Variants in ROBO1 observed in about 807,000 individuals in gnomAD.
The protein encoded by ROBO1 is roundabout guidance receptor 1.
A neutral mutation model predicts 195.9 loss-of-function variants in ROBO1; 149 were observed. That is an observed-to-expected ratio of 0.76 (90% CI 0.67 to 0.87). The LOEUF (loss-of-function observed/expected upper bound fraction) is 0.87, where lower values mean the gene tolerates loss of function less well. Ranked by LOEUF, ROBO1 falls within the 40% of genes least tolerant of loss-of-function variation. The pLI, the probability that ROBO1 is intolerant of heterozygous loss-of-function variation, is 0.00. For synonymous variants in ROBO1, 816 were observed against 733.2 expected, an observed-to-expected ratio of 1.11 and a Z score of -1.82; for missense variants, 1,933 against 2,068.3, an observed-to-expected ratio of 0.93 and a Z score of 1.27.
chr3:78,896,668 A>AAC (rs1489736999), intron 4 of ROBO1, among the ~76,000 whole-genome samples: 99 of 151,554 alleles, frequency 6.5e-4, no homozygotes, highest in Non-Finnish European at 1.3e-3. Flanking sequence ...CAAAAAAAAA[A>AAC]AAAAAAAAAA....
intron 2 of ROBO1, among the ~76,000 whole-genome samples, chr3:79,347,663 C>A (rs2035177241): frequency 6.6e-6 from 1 of 152,124 alleles, no homozygotes; most frequent in Admixed American, 6.5e-5. Context: ...ATCTTGGAAT[C>A]CTTGTAGAAG....
At chr3:78,840,760 T>C (rs1006390664) in intron 4 of ROBO1, among the ~76,000 whole-genome samples, 3 of 152,044 alleles carry the variant, frequency 2.0e-5, no homozygotes, top group Non-Finnish European at 4.4e-5. Flanking sequence ...ACTAATGAAA[T>C]TATCAAAAGT....
rs114093312 is a variant in ROBO1 at position 78,641,413 on chromosome 3, G to A, written c.2883-1515C>T. On this transcript the variant is annotated intron_variant, in intron 21 of 30. Transcript: ENST00000464233. ...TGAAAGGAAGAGTGGAGAAAATATC[G>A]GAAGTGTAAGCTGTTAAAACTGAGC... Among the ~76,000 whole-genome samples the A allele has an allele frequency of 2.8e-3, 425 of 152,212 alleles. 4 individuals are homozygous for A. The highest frequency in any genetic ancestry group is 9.8e-3 in the African/African-American group (407 of 41,536).
chr3:78,788,138 C>T (rs373362406), intron 4 of ROBO1, among the ~76,000 whole-genome samples: 46 of 149,476 alleles, frequency 3.1e-4, no homozygotes, highest in African/African-American at 9.9e-4. Flanking sequence ...TCTTTTGAGA[C>T]GGAGTCTGGC....
At chr3:78,813,155 CA>C (rs1188800223) in intron 4 of ROBO1, among the ~76,000 whole-genome samples, 1 of 151,830 alleles carries the variant, frequency 6.6e-6, no homozygotes, top group Non-Finnish European at 1.5e-5. Flanking sequence ...TTTGGAAAAA[CA>C]AACACAATTT....
intron 2 of ROBO1, among the ~76,000 whole-genome samples, chr3:79,429,317 TA>T (rs1329842701): frequency 6.6e-6 from 1 of 152,062 alleles, no homozygotes; most frequent in African/African-American, 2.4e-5. Flanking sequence ...AGTTCATGGG[TA>T]TTCCTGAGAT....
chr3:79,590,031 T>C (rs901794353), intron 1 of ROBO1, 70 bp from the exon 2 acceptor site: 3 of 638,556 alleles, frequency 4.7e-6, no homozygotes, highest in South Asian at 4.7e-5. Flanking sequence ...TTGTGAAACA[T>C]TGCAGTTCAA....
chr3:79,250,488 T>A (rs1252388418), intron 2 of ROBO1, among the ~76,000 whole-genome samples: 1 of 152,146 alleles, frequency 6.6e-6, no homozygotes, highest in Non-Finnish European at 1.5e-5. Context: ...TTCTTAGAAG[T>A]TGCCAAAAGC....
chr3:79,729,168 C>A (rs1043371158), intron 1 of ROBO1, among the ~76,000 whole-genome samples: 3 of 152,006 alleles, frequency 2.0e-5, no homozygotes, highest in Admixed American at 6.6e-5. Context: ...ATGTAAGGTT[C>A]TTTTTTCCCA....
chr3:79,352,436 C>G (rs990616348), intron 2 of ROBO1, among the ~76,000 whole-genome samples: 4 of 152,178 alleles, frequency 2.6e-5, no homozygotes, highest in Non-Finnish European at 5.9e-5. Context: ...TTATCAAAAC[C>G]AGTAAAATGA....
chr3:79,548,257 C>T (rs1942345934), intron 2 of ROBO1, among the ~76,000 whole-genome samples: 1 of 152,112 alleles, frequency 6.6e-6, no homozygotes, highest in Non-Finnish European at 1.5e-5. Context: ...AAGTCAATCA[C>T]CAGGTATATC....
At chr3:79,059,837 CAT>C (rs1312643602) in intron 3 of ROBO1, among the ~76,000 whole-genome samples, 1 of 151,982 alleles carries the variant, frequency 6.6e-6, no homozygotes, top group Non-Finnish European at 1.5e-5. Flanking sequence ...TTTTGTAAAA[CAT>C]GTGTGTTTGA....
chr3:79,496,960 A>G (rs1939781893), intron 2 of ROBO1, among the ~76,000 whole-genome samples: 1 of 152,192 alleles, frequency 6.6e-6, no homozygotes, highest in African/African-American at 2.4e-5. Flanking sequence ...CTTAAGAAAA[A>G]GTTATTTGCA....
chr3:78,614,967 C>A lies in ROBO1; in HGVS notation c.4283-167G>T, dbSNP rs544478723. ...CCAGCAAATAACAGGCTTGTTGTCA[C>A]TCTGCTATTTACTGGAAAAAATACC... On this transcript the variant is annotated intron_variant, in intron 27 of 30. Transcript: ENST00000464233. Among the ~76,000 whole-genome samples the A allele has an allele frequency of 5.9e-5, 9 of 152,250 alleles. No individual in the cohort carries two copies. In the South Asian group the frequency reaches 1.7e-3, roughly 28 times the overall value.
chr3:78,871,742 CA>C (rs71127366), intron 4 of ROBO1, among the ~76,000 whole-genome samples: 37,429 of 111,086 alleles, frequency 0.34, 4,032 homozygotes, highest in South Asian at 0.44. Context: ...GCTTTCACAG[CA>C]AAAAAAAAAA....
intron 1 of ROBO1, among the ~76,000 whole-genome samples, chr3:79,635,435 A>C (rs879531713): frequency 3.9e-5 from 6 of 152,204 alleles, no homozygotes; most frequent in Admixed American, 3.9e-4. Flanking sequence ...CTCTTTCTTA[A>C]CAGAAAATAA....
At chr3:78,861,511 A>G (rs2034835165) in intron 4 of ROBO1, among the ~76,000 whole-genome samples, 1 of 152,290 alleles carries the variant, frequency 6.6e-6, no homozygotes, top group Admixed American at 6.5e-5. Context: ...ATAGAATTCT[A>G]ACCTCCTAAC....
intron 2 of ROBO1, among the ~76,000 whole-genome samples, chr3:79,567,667 C>T: frequency 6.6e-6 from 1 of 152,078 alleles, no homozygotes; most frequent in Non-Finnish European, 1.5e-5. Context: ...TAACCGTACC[C>T]ATATGATATT....
chr3:79,714,737 A>G, intron 1 of ROBO1, among the ~76,000 whole-genome samples: 1 of 151,702 alleles, frequency 6.6e-6, no homozygotes, highest in East Asian at 1.9e-4. Flanking sequence ...TTCTCAGCAA[A>G]CTATCACAAG....
Sources: allele counts gnomAD v4.1 joint callset (sites outside exome capture counted in the v4.1 genomes callset), GRCh38; gene constraint gnomAD v4.1.1; transcripts MANE v1.5; gene names NCBI Gene and HGNC (gene_info 2026-07-23, HGNC 2026-07-21).